The following NCALD variants were observed in gnomAD, a reference collection of about 807,000 sequenced individuals.
NCALD encodes the protein neurocalcin delta, also known as neurocalcin-delta.
A neutral mutation model predicts 18.6 loss-of-function variants in NCALD; 10 were observed. The observed-to-expected ratio is 0.54, with a 90% CI of 0.33 to 0.91. NCALD has a LOEUF of 0.91. Ranked by LOEUF, NCALD falls within the 40% of genes least tolerant of loss-of-function variation. NCALD has a pLI of 0.03. For missense variants in NCALD, 184 were observed against 247.6 expected, an observed-to-expected ratio of 0.74 and a Z score of 1.72; for synonymous variants, 88 against 87.4, an observed-to-expected ratio of 1.01 and a Z score of -0.04.
intron 2 of NCALD, among the ~76,000 whole-genome samples, chr8:102,015,835 G>A (rs1225975297): frequency 2.6e-5 from 4 of 152,152 alleles, no homozygotes; most frequent in Non-Finnish European, 5.9e-5. Context: ...TAAAGGGCAA[G>A]TGTGGGCTAG....
intron 2 of NCALD, 173 bp from the exon 3 acceptor site, chr8:101,693,069 C>A: frequency 3.8e-6 from 2 of 522,006 alleles, no homozygotes; most frequent in African/African-American, 1.9e-5. Flanking sequence ...GAAGCCGGGC[C>A]CACAAAGCTT....
intron 1 of NCALD, among the ~76,000 whole-genome samples, chr8:101,783,451 T>G (rs76495291): frequency 0.028 from 4,221 of 152,282 alleles, 93 homozygotes; most frequent in Middle Eastern, 0.048. Flanking sequence ...TAGCTAAATT[T>G]TACCTGGCTA....
intron 1 of NCALD, among the ~76,000 whole-genome samples, chr8:101,768,371 T>G (rs1178653171): frequency 1.9e-5 from 2 of 106,864 alleles, no homozygotes; most frequent in East Asian, 6.7e-4. Context: ...TGTAATTAAC[T>G]CCTTCAGAGT....
chr8:102,023,815 T>C (rs1326511514), intron 1 of NCALD, among the ~76,000 whole-genome samples: 3 of 152,152 alleles, frequency 2.0e-5, no homozygotes, highest in Non-Finnish European at 4.4e-5. Context: ...TGTGTGGATC[T>C]TGTCATCGTG....
intron 4 of NCALD, among the ~76,000 whole-genome samples, chr8:101,825,973 G>T (rs1563804168): frequency 6.6e-6 from 1 of 152,212 alleles, no homozygotes; most frequent in South Asian, 2.1e-4. Context: ...AGATGGCAAG[G>T]CCAAAAAATG....
chr8:101,760,299 G>C (rs1480301052), intron 1 of NCALD, among the ~76,000 whole-genome samples: 7 of 152,152 alleles, frequency 4.6e-5, no homozygotes, highest in African/African-American at 1.7e-4. Context: ...TTTACCTCCA[G>C]GCCAGTGGGC....
chr8:101,890,784 G>C (rs73280868), intron 3 of NCALD, among the ~76,000 whole-genome samples: 4,613 of 152,254 alleles, frequency 0.03, 249 homozygotes, highest in African/African-American at 0.1. Context: ...CAGGTATTTA[G>C]TTATAGCAGT....
intron 1 of NCALD, among the ~76,000 whole-genome samples, chr8:102,062,188 G>A (rs560028383): frequency 6.6e-6 from 1 of 152,342 alleles, no homozygotes; most frequent in South Asian, 2.1e-4. Context: ...AGGATCACTT[G>A]AGGCCAGGAG....
At chr8:101,745,112 A>C (rs536520661) in intron 1 of NCALD, among the ~76,000 whole-genome samples, 1 of 151,994 alleles carries the variant, frequency 6.6e-6, no homozygotes, top group Non-Finnish European at 1.5e-5. Context: ...AATTTTATGA[A>C]CTCTCAAAAA....
intron 1 of NCALD, among the ~76,000 whole-genome samples, chr8:102,043,769 G>A (rs62518558): frequency 2.0e-3 from 296 of 151,122 alleles, no homozygotes; most frequent in Non-Finnish European, 3.5e-3. Context: ...GGAAGGGGAA[G>A]CAGCAGCAGA....
At chr8:101,849,604 A>G (rs1815010651) in intron 4 of NCALD, among the ~76,000 whole-genome samples, 1 of 152,188 alleles carries the variant, frequency 6.6e-6, no homozygotes, top group Admixed American at 6.5e-5. Flanking sequence ...AGTAAAATTC[A>G]GTTAACACAG....
chr8:101,877,410 T>A (rs952874289), intron 4 of NCALD, among the ~76,000 whole-genome samples: 1 of 152,138 alleles, frequency 6.6e-6, no homozygotes, highest in Non-Finnish European at 1.5e-5. Flanking sequence ...TCCCCTATTA[T>A]CCAGCATTCC....
intron 1 of NCALD, among the ~76,000 whole-genome samples, chr8:101,729,127 GA>G (rs1816701590): frequency 6.6e-6 from 1 of 152,094 alleles, no homozygotes; most frequent in Admixed American, 6.5e-5. Flanking sequence ...TTTCACTAAG[GA>G]AAAATAAGGA....
intron 2 of NCALD, among the ~76,000 whole-genome samples, chr8:101,972,447 T>G (rs969951767): frequency 6.6e-6 from 1 of 152,246 alleles, no homozygotes; most frequent in African/African-American, 2.4e-5. Context: ...TTTTTCCCTC[T>G]GTTCCCTTTA....
chr8:101,893,271 T>A (rs1202563986), intron 3 of NCALD, among the ~76,000 whole-genome samples: 1 of 151,150 alleles, frequency 6.6e-6, no homozygotes, highest in African/African-American at 2.5e-5. Context: ...CTAAGCTTCA[T>A]AAGTGAAGGA....
At chr8:101,758,515 A>C (rs1379153307) in intron 1 of NCALD, among the ~76,000 whole-genome samples, 1 of 152,236 alleles carries the variant, frequency 6.6e-6, no homozygotes, top group Non-Finnish European at 1.5e-5. Flanking sequence ...GCTATGTATT[A>C]ATTCATTCAG....
chr8:101,718,223 G>A (rs573738834), intron 2 of NCALD, among the ~76,000 whole-genome samples: 6 of 152,206 alleles, frequency 3.9e-5, no homozygotes, highest in African/African-American at 1.4e-4. Flanking sequence ...GGGAGGCTGA[G>A]GCACCTTCCT....
chr8:102,113,016 C>T (rs1825686272), intron 1 of NCALD, among the ~76,000 whole-genome samples: 1 of 152,148 alleles, frequency 6.6e-6, no homozygotes, highest in African/African-American at 2.4e-5. Context: ...CCCAGTCTCA[C>T]TTATTCCATT....
At chr8:101,819,768 C>T (rs937480908) in intron 4 of NCALD, among the ~76,000 whole-genome samples, 2 of 152,030 alleles carry the variant, frequency 1.3e-5, no homozygotes, top group Non-Finnish European at 2.9e-5. Context: ...TAACACTTAG[C>T]GAGATAAACA....
Sources: gnomAD v4.1 joint callset for allele counts (sites outside exome capture counted in the v4.1 genomes callset) on GRCh38, gnomAD v4.1.1 for gene constraint, MANE v1.5 for transcripts, NCBI Gene and HGNC (gene_info 2026-07-23, HGNC 2026-07-21) for gene names.